The following FAT3 variants were observed in gnomAD, a reference collection of about 807,000 sequenced individuals.
FAT3 encodes FAT atypical cadherin 3.
Under a neutral mutation model 310.2 loss-of-function variants are expected in FAT3, and 95 were observed. That is an observed-to-expected ratio of 0.31 (90% CI 0.26 to 0.36). The LOEUF (loss-of-function observed/expected upper bound fraction) is 0.36, where lower values mean the gene tolerates loss of function less well. Among genes scored for constraint, FAT3 ranks in the 10% least tolerant of loss-of-function variants. The pLI, the probability that FAT3 is intolerant of heterozygous loss-of-function variation, is 1.00. For synonymous variants in FAT3, 2,314 were observed against 2,192.9 expected, an observed-to-expected ratio of 1.06 and a Z score of -1.54; for missense variants, 5,408 against 5,715.6, an observed-to-expected ratio of 0.95 and a Z score of 1.74.
At chr11:92,572,382 A>G (rs1270773168) in intron 3 of FAT3, among the ~76,000 whole-genome samples, 1 of 152,214 alleles carries the variant, frequency 6.6e-6, no homozygotes, top group Non-Finnish European at 1.5e-5. Context: ...TGAACATGTG[A>G]TGATGAAAAT....
chr11:92,742,597 G>T (rs1487157646), intron 4 of FAT3, among the ~76,000 whole-genome samples: 1 of 152,214 alleles, frequency 6.6e-6, no homozygotes, highest in Non-Finnish European at 1.5e-5. Flanking sequence ...ATGGATTGAA[G>T]CTCTTATCTC....
chr11:92,340,231 G>A (rs959806098), intron 1 of FAT3, among the ~76,000 whole-genome samples: 1 of 151,762 alleles, frequency 6.6e-6, no homozygotes, highest in African/African-American at 2.4e-5. Context: ...AAGTGTTTCT[G>A]CAGGGCTAGG....
intron 25 of FAT3, 111 bp from the exon 26 acceptor site, chr11:92,889,078 G>T (rs73560556): frequency 0.16 from 87,189 of 543,950 alleles, 7,472 homozygotes; most frequent in Middle Eastern, 0.23. Flanking sequence ...TTTGCATGCC[G>T]CACCTTCATT....
chr11:92,791,187 A>G (rs1947031761), intron 8 of FAT3, among the ~76,000 whole-genome samples: 1 of 152,228 alleles, frequency 6.6e-6, no homozygotes, highest in African/African-American at 2.4e-5. Context: ...TCTTCCAGTC[A>G]TCACTATGGC....
intron 3 of FAT3, among the ~76,000 whole-genome samples, chr11:92,538,175 A>G (rs978957149): frequency 1.3e-5 from 2 of 152,154 alleles, no homozygotes; most frequent in Non-Finnish European, 2.9e-5. Context: ...AAAATTGCCA[A>G]CAATTCTATT....
At chr11:92,422,167 A>T (rs983717305) in intron 2 of FAT3, among the ~76,000 whole-genome samples, 1 of 152,140 alleles carries the variant, frequency 6.6e-6, no homozygotes, top group African/African-American at 2.4e-5. Flanking sequence ...TTTGGAGTAC[A>T]TCTAGTTCTC....
At chr11:92,804,808 G>C (rs1260296959) in intron 10 of FAT3, among the ~76,000 whole-genome samples, 1 of 152,210 alleles carries the variant, frequency 6.6e-6, no homozygotes, top group Non-Finnish European at 1.5e-5. Context: ...ATCCTCTCTT[G>C]AGACTAAGTG....
chr11:92,502,964 C>T (rs1001854456), intron 2 of FAT3, among the ~76,000 whole-genome samples: 6 of 152,070 alleles, frequency 3.9e-5, no homozygotes, highest in Admixed American at 2.0e-4. Context: ...AATGCCTGTA[C>T]GTACAGTGAA....
intron 3 of FAT3, among the ~76,000 whole-genome samples, chr11:92,588,516 A>T (rs748578153): frequency 2.0e-5 from 3 of 152,060 alleles, no homozygotes; most frequent in Non-Finnish European, 4.4e-5. Flanking sequence ...AGTTGAAGTA[A>T]AGGAGGCTTA....
chr11:92,743,977 G>A (rs1367561561), intron 4 of FAT3, among the ~76,000 whole-genome samples: 1 of 152,126 alleles, frequency 6.6e-6, no homozygotes, highest in East Asian at 1.9e-4. Flanking sequence ...GGACTTCTCA[G>A]CCTCTATAAC....
rs776310983 is a variant in FAT3, at chr11:92,891,075, A to G, written c.13732A>G (p.Ile4578Val). The G allele has an allele frequency of 6.2e-7, 1 of 1,613,780 alleles. No individual in the cohort carries two copies. Among genetic ancestry groups the G allele is most frequent in the Non-Finnish European group, 8.5e-7 (1 of 1,179,838 alleles). The change falls in exon 28 of 28, where the codon ATT (isoleucine) becomes GTT (valine). Residue 4578 changes from isoleucine (I) to valine (V), a missense_variant. Physicochemically the swap from Ile to Val is conservative, Grantham distance 29 (BLOSUM62 3). This residue lies in a region of FAT3 where 649 missense variants were observed against 666.2 expected (regional missense o/e 0.97). Transcript: ENST00000525166. The part of the protein sequence containing the change: ...VGELSLASLH[I>V]PFVETQHQTQ... ...AGAGCTCAGCCTCGCCAGCCTTCAC[A>G]TTCCCTTTGTGGAGACTCAGCATCA...
intron 1 of FAT3, among the ~76,000 whole-genome samples, chr11:92,255,348 A>G (rs1312734057): frequency 6.6e-6 from 1 of 151,456 alleles, no homozygotes; most frequent in Non-Finnish European, 1.5e-5. Flanking sequence ...TTTTAAAAAA[A>G]AAAAAAAGGA....
intron 1 of FAT3, among the ~76,000 whole-genome samples, chr11:92,238,488 G>T (rs1268261741): frequency 1.3e-5 from 2 of 152,122 alleles, no homozygotes; most frequent in Middle Eastern, 3.4e-3. Context: ...TAGCAAGCAG[G>T]TTTTGTTTGT....
At chr11:92,469,075 G>A (rs898616341) in intron 2 of FAT3, among the ~76,000 whole-genome samples, 3 of 152,122 alleles carry the variant, frequency 2.0e-5, no homozygotes, top group African/African-American at 7.2e-5. Context: ...TTCATTGTCT[G>A]TGAGGGTCAT....
At chr11:92,674,405 A>G (rs1943223829) in intron 3 of FAT3, among the ~76,000 whole-genome samples, 1 of 151,754 alleles carries the variant, frequency 6.6e-6, no homozygotes, top group Admixed American at 6.6e-5. Flanking sequence ...GTGCTCTGAG[A>G]AACATTGAGA....
rs779180485 is a variant in FAT3 at position 92,798,535 on chromosome 11, A to G, written c.5522A>G (p.His1841Arg). 6 of 1,613,864 alleles carry G rather than the reference A, an allele frequency of 3.7e-6. No individual in the cohort carries two copies. The highest frequency in any genetic ancestry group is 5.1e-6 in the Non-Finnish European group (6 of 1,179,810). The change falls in exon 10 of 28, where the codon CAT (histidine) becomes CGT (arginine). Residue 1841 changes from histidine (H) to arginine (R), a missense_variant. Physicochemically the swap from His to Arg is conservative, Grantham distance 29. Transcript: ENST00000525166. ...ATCAGAACAATTGCCAACCTGGACC[A>G]TGAAACCATTGCCCATTTCCATTTT... ...GAIRTIANLDHETIAHFHFHV... is the reference protein window; with the variant it reads ...GAIRTIANLDRETIAHFHFHV...
intron 3 of FAT3, among the ~76,000 whole-genome samples, chr11:92,695,129 A>G (rs1349824691): frequency 2.0e-5 from 3 of 152,146 alleles, no homozygotes; most frequent in African/African-American, 7.2e-5. Context: ...TCTGATCTAG[A>G]TGCTAGAGCA....
At chr11:92,725,845 A>G (rs947274794) in intron 4 of FAT3, among the ~76,000 whole-genome samples, 1 of 152,190 alleles carries the variant, frequency 6.6e-6, no homozygotes, top group African/African-American at 2.4e-5. Flanking sequence ...TAATTGCAAA[A>G]GCCTTGTCAG....
intron 2 of FAT3, among the ~76,000 whole-genome samples, chr11:92,450,287 A>G (rs181949766): frequency 4.6e-5 from 7 of 152,294 alleles, no homozygotes; most frequent in East Asian, 1.9e-4. Context: ...TTGACATTGG[A>G]TGGCTGAACT....
Sources: gnomAD v4.1 joint callset for allele counts (sites outside exome capture counted in the v4.1 genomes callset) on GRCh38, gnomAD v4.1.1 for gene constraint, gnomAD v4.1.1 regional missense constraint, MANE v1.5 for transcripts, NCBI Gene and HGNC (gene_info 2026-07-23, HGNC 2026-07-21) for gene names.